CRYBG3: variants seen among roughly 807,000 people sequenced by gnomAD.
The protein encoded by CRYBG3 is crystallin beta-gamma domain containing 3.
In CRYBG3, 127 loss-of-function variants were observed where a neutral mutation model predicts 244.2. The observed-to-expected ratio is 0.52, with a 90% CI of 0.45 to 0.60. The LOEUF is 0.60. CRYBG3 is among the 20% of genes least tolerant of loss of function. The pLI, the probability that CRYBG3 is intolerant of heterozygous loss-of-function variation, is 0.00. For missense variants in CRYBG3, 3,325 were observed against 3,442.5 expected (o/e 0.97, Z 0.85); for synonymous variants, 1,132 against 1,195.8 (o/e 0.95, Z 1.10).
intron 8 of CRYBG3, 89 bp downstream of exon 8, chr3:97,886,856 C>T (rs1467011460): frequency 6.9e-6 from 8 of 1,156,258 alleles, no homozygotes; most frequent in Non-Finnish European, 9.7e-6. Context: ...AAGTTTCTAG[C>T]TAATGTTTAT....
intron 15 of CRYBG3, among the ~76,000 whole-genome samples, chr3:97,911,665 G>A (rs575150199): frequency 2.6e-5 from 4 of 152,306 alleles, no homozygotes; most frequent in Admixed American, 2.6e-4. Flanking sequence ...GCTTGCTTAA[G>A]GGCATGTGCT....
intron 3 of CRYBG3, among the ~76,000 whole-genome samples, chr3:97,870,782 C>T (rs1383494299): frequency 3.9e-5 from 6 of 152,062 alleles, no homozygotes; most frequent in African/African-American, 1.4e-4. Context: ...TACAACTTGC[C>T]AAATCTTGTG....
rs2039314198 is a variant in CRYBG3 at position 97,872,257 on chromosome 3, A to G, written c.1063A>G (p.Ser355Gly). The change falls in exon 4 of 22, where the codon AGC becomes GGC. Residue 355 changes from serine (S) to glycine (G), a missense_variant. Ser to Gly is a moderately conservative substitution (Grantham distance 56, BLOSUM62 0). Transcript: ENST00000389622. ...ATCCCCTTCTTCTGTGACTAACTCC[A>G]GCTACGATGGAGAATCTGACTCACA... ...RSSPSSVTNS[S>G]YDGESDSQHH... 1 of 1,535,938 alleles carries G rather than the reference A, an allele frequency of 6.5e-7. No homozygotes were observed. Among genetic ancestry groups the G allele is most frequent in the Non-Finnish European group, 8.7e-7 (1 of 1,146,770 alleles).
chr3:97,844,381 A>G (rs183184362), intron 2 of CRYBG3, among the ~76,000 whole-genome samples: 2 of 152,230 alleles, frequency 1.3e-5, no homozygotes, highest in East Asian at 3.9e-4. Context: ...ACATGCCTTG[A>G]GTTGCCCTAC....
At chr3:97,923,937 A>C (rs1444803808) in intron 17 of CRYBG3, among the ~76,000 whole-genome samples, 2 of 152,124 alleles carry the variant, frequency 1.3e-5, no homozygotes, top group Non-Finnish European at 2.9e-5. Flanking sequence ...GGTGGGGAGT[A>C]AAACATGGCA....
At chr3:97,847,504 A>G (rs1576517947) in intron 2 of CRYBG3, among the ~76,000 whole-genome samples, 1 of 152,250 alleles carries the variant, frequency 6.6e-6, no homozygotes, top group African/African-American at 2.4e-5. Flanking sequence ...GATTCTTCCT[A>G]TTCGTGTACT....
chr3:97,841,754 C>T (rs568665199), intron 1 of CRYBG3, among the ~76,000 whole-genome samples: 10 of 152,200 alleles, frequency 6.6e-5, no homozygotes, highest in Admixed American at 6.5e-4. Flanking sequence ...AGACTTCCCA[C>T]TGCATGTAGG....
intron 1 of CRYBG3, among the ~76,000 whole-genome samples, chr3:97,841,184 A>G (rs2038807349): frequency 6.7e-6 from 1 of 149,018 alleles, no homozygotes; most frequent in Non-Finnish European, 1.5e-5. Context: ...CACACAGCTC[A>G]TATATGTGTG....
In CRYBG3 at chr3:97,874,430, C is replaced by T. The variant is rs777295968; in HGVS notation, c.3236C>T (p.Pro1079Leu). 5.2e-5 allele frequency: 80 copies of T among 1,534,782 alleles called. No individual in the cohort carries two copies. The highest frequency in any genetic ancestry group is 6.5e-5 in the Non-Finnish European group (74 of 1,146,500). ...EVSMIVNSHK[P>L]QNNLDSIQVT... ...AGCATGATAGTAAATTCACATAAGC[C>T]CCAAAATAATTTGGATTCTATACAA... The change falls in exon 4 of 22, where the codon CCC (proline) becomes CTC (leucine). Residue 1079 changes from proline to leucine, a missense_variant. By Grantham distance (98) the Pro-to-Leu change is moderately conservative. Transcript: ENST00000389622.
chr3:97,922,702 G>A (rs1356822339), intron 17 of CRYBG3, among the ~76,000 whole-genome samples: 2 of 152,108 alleles, frequency 1.3e-5, no homozygotes, highest in African/African-American at 2.4e-5. Flanking sequence ...GTGCTGGAGA[G>A]GATGTGGAGA....
chr3:97,933,400 C>T (rs987263874), intron 17 of CRYBG3: 16 of 420,166 alleles, frequency 3.8e-5, no homozygotes, highest in Non-Finnish European at 6.2e-5. Flanking sequence ...TATTACAGTA[C>T]CACAAGACCT....
At chr3:97,899,354 A>G in intron 14 of CRYBG3, 91 bp downstream of exon 14, 1 of 1,362,382 alleles carries the variant, frequency 7.3e-7, no homozygotes, top group Non-Finnish European at 1.0e-6. Context: ...GGAGTTGTTG[A>G]ATGATGTCAT....
rs748742799 is a variant in CRYBG3, at chr3:97,877,154, C to G, written c.5960C>G (p.Ala1987Gly). Residue 1987 changes from alanine (A) to glycine (G), a missense_variant, in exon 4 of 22, where the codon GCT (alanine) becomes GGT (glycine). Physicochemically the swap from Ala to Gly is moderately conservative, Grantham distance 60. Transcript: ENST00000389622. ...TATAGTGACAAAGGATATAATTTAG[C>G]TTTTGTTTCTCAAGATGAACAAGAA... ...TDYSDKGYNL[A>G]FVSQDEQENS... The G allele has an allele frequency of 6.2e-7, 1 of 1,613,922 alleles. No homozygotes were observed. Among genetic ancestry groups the G allele is most frequent in the Non-Finnish European group, 8.5e-7 (1 of 1,179,912 alleles).
chr3:97,889,032 C>T (rs2039541779), intron 9 of CRYBG3, among the ~76,000 whole-genome samples: 1 of 152,182 alleles, frequency 6.6e-6, no homozygotes, highest in African/African-American at 2.4e-5. Flanking sequence ...TTTTGGGACA[C>T]TCTGAAGTGG....
intron 7 of CRYBG3, among the ~76,000 whole-genome samples, chr3:97,882,235 G>A (rs2039457207): frequency 1.3e-5 from 2 of 151,402 alleles, no homozygotes; most frequent in African/African-American, 4.9e-5. Flanking sequence ...AATAATAGCA[G>A]CACAGTATTA....
chr3:97,874,204 A>G lies in CRYBG3; in HGVS notation c.3010A>G (p.Lys1004Glu), dbSNP rs2039342288. 3 of 1,533,204 alleles carry G rather than the reference A, an allele frequency of 2.0e-6. No individual in the cohort carries two copies. Among genetic ancestry groups the G allele is most frequent in the Non-Finnish European group, 2.6e-6 (3 of 1,146,240 alleles). The allele number at this position is 1,533,204 out of a possible 1,614,324, so 95.0% of individuals were successfully genotyped here. Residue 1004 changes from lysine (K) to glutamate (E), a missense_variant, in exon 4 of 22, where the codon AAA becomes GAA. This residue lies in a region of CRYBG3 where 1,526 missense variants were observed against 1,443.2 expected (regional missense o/e 1.06). Transcript: ENST00000389622. ...TAAATTCCAAGAAACTGGCAGCATG[A>G]AAGTAAATTCACCTTTTCTGGATTC... ...SPKFQETGSM[K>E]VNSPFLDSDS...
At position 97,877,624 on chromosome 3, in the gene CRYBG3, G is replaced by C; in HGVS notation, c.6430G>C (p.Glu2144Gln). The C allele has an allele frequency of 6.2e-7, 1 of 1,614,060 alleles. No individual in the cohort carries two copies. The highest frequency in any genetic ancestry group is 8.5e-7 in the Non-Finnish European group (1 of 1,179,976). The change falls in exon 4 of 22, where the codon GAG (glutamate) becomes CAG (glutamine). Residue 2144 changes from glutamate (E) to glutamine (Q), a missense_variant. Physicochemically the swap from Glu to Gln is conservative, Grantham distance 29. Around this residue, in one of 4 missense-constraint regions of CRYBG3, gnomAD observed 450 missense variants for 424.1 expected, o/e 1.06. Coordinates refer to ENST00000389622, the MANE Select transcript of CRYBG3 (RefSeq NM_153605.4). ...LKMNFDEDDR[E>Q]AADEEEEEEE... ...GATGAATTTTGATGAAGATGACAGA[G>C]AGGCAGCTGATGAGGAAGAAGAGGA...
intron 16 of CRYBG3, 139 bp from the exon 17 acceptor site, chr3:97,915,471 T>C: frequency 1.4e-6 from 1 of 721,612 alleles, no homozygotes; most frequent in Non-Finnish European, 2.1e-6. Flanking sequence ...TTGTGTTTTT[T>C]GTTTTTTTAA....
At chr3:97,825,995 T>C (rs2038571564) in intron 1 of CRYBG3, among the ~76,000 whole-genome samples, 1 of 152,156 alleles carries the variant, frequency 6.6e-6, no homozygotes, top group Non-Finnish European at 1.5e-5. Flanking sequence ...GGTAACTAGT[T>C]AGTTGGATAG....
Sources: gnomAD v4.1 joint callset for allele counts (sites outside exome capture counted in the v4.1 genomes callset) on GRCh38, gnomAD v4.1.1 for gene constraint, gnomAD v4.1.1 regional missense constraint, MANE v1.5 for transcripts, NCBI Gene and HGNC (gene_info 2026-07-23, HGNC 2026-07-21) for gene names.